Variants in TENM1 observed in about 807,000 individuals in gnomAD.
TENM1 encodes teneurin transmembrane protein 1.
A neutral mutation model predicts 174.8 loss-of-function variants in TENM1; 35 were observed. The ratio of observed to expected loss-of-function variants is 0.20; its 90% CI spans 0.15 to 0.27. The LOEUF (loss-of-function observed/expected upper bound fraction) is 0.27. Ranked by LOEUF, TENM1 falls within the 10% of genes least tolerant of loss-of-function variation. The pLI is 1.00. For synonymous variants in TENM1, 781 were observed against 798.7 expected (o/e 0.98, Z 0.37); for missense variants, 1,633 against 2,130.1 (o/e 0.77, Z 4.59).
intron 3 of TENM1, among the ~76,000 whole-genome samples, chrX:124,852,728 G>A (rs1399157497): frequency 1.8e-5 from 2 of 111,048 alleles, no homozygotes; most frequent in East Asian, 2.8e-4. Flanking sequence ...ACATAGATAC[G>A]GATGATACTT....
intron 3 of TENM1, among the ~76,000 whole-genome samples, chrX:124,794,612 C>G (rs756390556): frequency 1.8e-3 from 201 of 110,960 alleles, no homozygotes; most frequent in Non-Finnish European, 3.1e-3. Context: ...TCCAATCCCC[C>G]CGCCAACCTA....
intron 3 of TENM1, among the ~76,000 whole-genome samples, chrX:124,891,655 CAAA>C (rs776826752): frequency 1.2e-5 from 1 of 84,248 alleles, no homozygotes; most frequent in Non-Finnish European, 2.4e-5. Context: ...AAGACTCTGT[CAAA>C]AAAAAAAAAA....
Position 124,584,134 on chromosome X carries a change from T to C in TENM1, c.2078-18574A>G, listed in dbSNP as rs1301440723. On this transcript the variant is annotated intron_variant, in intron 11 of 31. Coordinates refer to ENST00000422452, the Ensembl canonical transcript of TENM1. The stretch of plus-strand genomic sequence containing the variant: ...CTGCAGGATATTATCCAGGAGAACT[T>C]CCCAAATCTAGCAAGGCAGGCCAAC... Among the ~76,000 whole-genome samples the C allele has an allele frequency of 1.1e-3, 117 of 110,104 alleles. 2 individuals are homozygous for C. Among genetic ancestry groups the C allele is most frequent in the Non-Finnish European group, 1.7e-3 (89 of 52,734 alleles).
chrX:124,979,620 A>G, the TENM1 span, among the ~76,000 whole-genome samples: 1 of 111,661 alleles, frequency 9.0e-6, no homozygotes, highest in Non-Finnish European at 1.9e-5. Context: ...TCCATTAGGC[A>G]GCAGTAAACT....
the TENM1 span, among the ~76,000 whole-genome samples, chrX:125,108,619 C>T: frequency 1.8e-5 from 2 of 108,820 alleles, no homozygotes; most frequent in East Asian, 5.8e-4. Flanking sequence ...GTTGCTTGAC[C>T]CCAGGAGGCA....
the TENM1 span, among the ~76,000 whole-genome samples, chrX:125,037,000 T>C: frequency 1.2e-4 from 14 of 112,006 alleles, no homozygotes; most frequent in Admixed American, 5.7e-4. Context: ...ATATACCTTT[T>C]GTGGGGCTTC....
At position 124,836,473 on chromosome X, in the gene TENM1, A is replaced by T. The variant is rs766463205; in HGVS notation, c.535+57823T>A. ...AGGCAAAATAAAGTCTTGATTTTTT[A>T]GAAGGGAAAGTTTACTTGTACTTTT... On this transcript the variant is annotated intron_variant, in intron 3 of 31. Transcript: ENST00000422452. Among the ~76,000 whole-genome samples, 260 of 112,156 alleles carry T rather than the reference A, an allele frequency of 2.3e-3. 2 individuals are homozygous for T. Among genetic ancestry groups the T allele is most frequent in the Middle Eastern group, 0.023 (5 of 218 alleles).
chrX:125,103,359 T>C, the TENM1 span, among the ~76,000 whole-genome samples: 3 of 111,537 alleles, frequency 2.7e-5, no homozygotes, highest in Non-Finnish European at 5.6e-5. Context: ...TCTCATTTTG[T>C]TTTCATTTGA....
At chrX:124,765,435 C>T (rs1162314947) in intron 3 of TENM1, among the ~76,000 whole-genome samples, 1 of 112,073 alleles carries the variant, frequency 8.9e-6, no homozygotes, top group Non-Finnish European at 1.9e-5. Context: ...CAGTGTGGTA[C>T]ACAGCCAGTA....
At chrX:125,092,944 C>A in the TENM1 span, among the ~76,000 whole-genome samples, 2 of 111,936 alleles carry the variant, frequency 1.8e-5, no homozygotes, top group Admixed American at 1.9e-4. Flanking sequence ...TGCAGAACAA[C>A]TTATGCCTGA....
chrX:124,603,928 T>C (rs777839053), intron 11 of TENM1, among the ~76,000 whole-genome samples: 56 of 111,602 alleles, frequency 5.0e-4, no homozygotes, highest in African/African-American at 1.7e-3. Flanking sequence ...TTTTACTTTT[T>C]TTATTTAAGC....
At chrX:124,764,470 G>T (rs2054494052) in intron 3 of TENM1, among the ~76,000 whole-genome samples, 1 of 110,938 alleles carries the variant, frequency 9.0e-6, no homozygotes, top group East Asian at 2.8e-4. Flanking sequence ...CTACATTTAT[G>T]TTTGTGTTTG....
chrX:124,602,444 C>T (rs1376123721), intron 11 of TENM1, among the ~76,000 whole-genome samples: 1 of 110,709 alleles, frequency 9.0e-6, no homozygotes, highest in Non-Finnish European at 1.9e-5. Context: ...AGTTTTGGAA[C>T]AATGAGCTAA....
intron 11 of TENM1, among the ~76,000 whole-genome samples, chrX:124,581,967 A>G (rs2049327647): frequency 9.0e-6 from 1 of 111,461 alleles, no homozygotes; most frequent in East Asian, 2.8e-4. Flanking sequence ...ATGGTGGTTT[A>G]CTGCACCTAT....
At chrX:125,012,650 A>G in the TENM1 span, among the ~76,000 whole-genome samples, 1 of 111,835 alleles carries the variant, frequency 8.9e-6, no homozygotes, top group Non-Finnish European at 1.9e-5. Context: ...AGATATTCAT[A>G]GGATAGCATA....
At chrX:125,045,364 T>A in the TENM1 span, among the ~76,000 whole-genome samples, 1 of 111,421 alleles carries the variant, frequency 9.0e-6, no homozygotes, top group African/African-American at 3.3e-5. Context: ...AATGGTTAGT[T>A]CTTCTTCCTG....
At chrX:125,092,372 C>T in the TENM1 span, among the ~76,000 whole-genome samples, 99 of 111,953 alleles carry the variant, frequency 8.8e-4, no homozygotes, top group South Asian at 1.5e-3. Flanking sequence ...TCTGATACTA[C>T]TTTACACTTC....
At chrX:124,970,630 C>A in the TENM1 span, among the ~76,000 whole-genome samples, 1 of 111,567 alleles carries the variant, frequency 9.0e-6, no homozygotes, top group African/African-American at 3.3e-5. Flanking sequence ...TATAAAAGTA[C>A]AAACAACAGG....
At chrX:124,582,054 AG>A (rs1245761817) in intron 11 of TENM1, among the ~76,000 whole-genome samples, 1 of 110,560 alleles carries the variant, frequency 9.0e-6, no homozygotes, top group Admixed American at 9.6e-5. Context: ...ACACCCCAAT[AG>A]TCCCCAGTGT....
Sources: allele counts gnomAD v4.1 joint callset (sites outside exome capture counted in the v4.1 genomes callset), GRCh38; gene constraint gnomAD v4.1.1; transcripts MANE v1.5; gene names NCBI Gene and HGNC (gene_info 2026-07-23, HGNC 2026-07-21).